SERINC5: variants seen among roughly 807,000 people sequenced by gnomAD.
SERINC5 encodes the protein serine incorporator 5, also known as chromosome 5 open reading frame 12.
SERINC5 carries 41 observed loss-of-function variants against 63.1 expected under a neutral mutation model. The ratio of observed to expected loss-of-function variants is 0.65; its 90% confidence interval spans 0.51 to 0.84. The LOEUF is 0.84. Ranked by LOEUF, SERINC5 falls within the 40% of genes least tolerant of loss-of-function variation. The pLI, the probability that SERINC5 is intolerant of heterozygous loss-of-function variation, is 0.00. For missense variants in SERINC5, 523 were observed against 573.0 expected (o/e 0.91, Z 0.89); for synonymous variants, 222 against 215.2 (o/e 1.03, Z -0.28).
chr5:80,214,256 C>CA (rs1750563307), intron 1 of SERINC5, among the ~76,000 whole-genome samples: 1 of 151,910 alleles, frequency 6.6e-6, no homozygotes. Context: ...CTAACAACAA[C>CA]AAAAAACAAA....
At chr5:80,165,439 T>C (rs1023766257) in intron 7 of SERINC5, among the ~76,000 whole-genome samples, 2 of 152,234 alleles carry the variant, frequency 1.3e-5, no homozygotes, top group Admixed American at 1.3e-4. Context: ...CATTTATATA[T>C]GCTTATGTGT....
At chr5:80,200,462 G>T (rs1749763672) in intron 2 of SERINC5, among the ~76,000 whole-genome samples, 1 of 151,396 alleles carries the variant, frequency 6.6e-6, no homozygotes. Context: ...CTCCAGCCTG[G>T]GCGACAGAGC....
chr5:80,128,061 C>CA (rs1199027011), intron 11 of SERINC5, among the ~76,000 whole-genome samples: 1 of 152,126 alleles, frequency 6.6e-6, no homozygotes, highest in Admixed American at 6.5e-5. Context: ...TCTAATGAAT[C>CA]AGTCTCTTTA....
intron 1 of SERINC5, among the ~76,000 whole-genome samples, chr5:80,244,379 C>G (rs567092436): frequency 1.3e-5 from 2 of 151,688 alleles, no homozygotes; most frequent in Non-Finnish European, 2.9e-5. Flanking sequence ...CCAGGCCTGG[C>G]TAATTTTTGT....
chr5:80,139,330 T>C lies in SERINC5; in HGVS notation c.*4333A>G. On this transcript the variant is annotated 3_prime_UTR_variant, in exon 12 of 12. Transcript: ENST00000507668. ...CCAGACATATATTACAAATCTGCTG[T>C]AAGCTTTCTTTACCTGAGAGAACTT... is the stretch of plus-strand genomic sequence containing the variant. The C allele has an allele frequency of 1.0e-6, 1 of 984,246 alleles. No homozygotes were observed. The highest frequency in any genetic ancestry group is 1.2e-6 in the Non-Finnish European group (1 of 828,884). 61.0% of individuals were successfully genotyped at this position (984,246 alleles called of 1,614,324 possible).
intron 1 of SERINC5, among the ~76,000 whole-genome samples, chr5:80,238,894 ACAG>A (rs957867780): frequency 2.6e-5 from 4 of 152,146 alleles, no homozygotes; most frequent in African/African-American, 9.7e-5. Context: ...CTCTGCACAG[ACAG>A]CAGATTATCT....
intron 2 of SERINC5, among the ~76,000 whole-genome samples, chr5:80,198,376 C>G (rs1469104730): frequency 6.6e-6 from 1 of 152,170 alleles, no homozygotes; most frequent in African/African-American, 2.4e-5. Context: ...AGGACAAAGT[C>G]TGGCCCAGCA....
At chr5:80,146,492 GC>G (rs1369458276) in intron 10 of SERINC5, among the ~76,000 whole-genome samples, 4 of 151,986 alleles carry the variant, frequency 2.6e-5, no homozygotes, top group African/African-American at 9.7e-5. Flanking sequence ...CACTCTTTTT[GC>G]CCCGGCTGGA....
At chr5:80,131,875 T>C (rs1744961817) in intron 11 of SERINC5, among the ~76,000 whole-genome samples, 1 of 152,194 alleles carries the variant, frequency 6.6e-6, no homozygotes, top group Non-Finnish European at 1.5e-5. Context: ...AATCTAGTTC[T>C]GTAACTAGAT....
Position 80,150,903 on chromosome 5 carries a change from T to A in SERINC5, c.1032A>T (p.Arg344=). Residue 344 remains arginine, a synonymous_variant, in exon 9 of 12, where the codon CGA becomes CGT. Transcript: ENST00000507668. ...TTACCTCCAATTCAGGAGCTGCGTA[T>A]CGCCCCTGCAGAGCGTCAGAACTCG... ...TRSSSDALQG[R]YAAPELEIAR... 1 of 1,613,112 alleles carries A rather than the reference T, an allele frequency of 6.2e-7. No homozygotes were observed. Among genetic ancestry groups the A allele is most frequent in the Non-Finnish European group, 8.5e-7 (1 of 1,179,078 alleles).
chr5:80,144,672 T>A (rs1279010788), intron 11 of SERINC5, among the ~76,000 whole-genome samples: 1 of 152,062 alleles, frequency 6.6e-6, no homozygotes, highest in African/African-American at 2.4e-5. Context: ...AAACCACCAC[T>A]CCCACCACCC....
chr5:80,137,009 C>T (rs1012000986), downstream of SERINC5, among the ~76,000 whole-genome samples: 13 of 151,724 alleles, frequency 8.6e-5, no homozygotes, highest in Non-Finnish European at 1.8e-4. Context: ...TTGTGACATG[C>T]GCCTGTAACC....
chr5:80,179,385 T>C (rs1748275029), intron 2 of SERINC5, among the ~76,000 whole-genome samples: 1 of 152,230 alleles, frequency 6.6e-6, no homozygotes, highest in Non-Finnish European at 1.5e-5. Context: ...TTTTCATCAC[T>C]ATCTTATACT....
At chr5:80,122,430 G>C (rs560941910) in intron 11 of SERINC5, among the ~76,000 whole-genome samples, 5 of 152,056 alleles carry the variant, frequency 3.3e-5, no homozygotes, top group African/African-American at 1.2e-4. Context: ...CCCAGATTAA[G>C]AGTGGGTCTG....
chr5:80,118,858 C>T (rs1386751761), intron 11 of SERINC5, among the ~76,000 whole-genome samples: 1 of 151,964 alleles, frequency 6.6e-6, no homozygotes. Context: ...CCACTGCACC[C>T]AGCTTCATTC....
chr5:80,217,213 AAAG>A (rs957241560), intron 1 of SERINC5, among the ~76,000 whole-genome samples: 1 of 152,056 alleles, frequency 6.6e-6, no homozygotes, highest in Non-Finnish European at 1.5e-5. Context: ...TCTCAGCAAA[AAAG>A]AAGGTGGGCA....
At chr5:80,144,881 A>C (rs188829215) in intron 11 of SERINC5, among the ~76,000 whole-genome samples, 1 of 152,292 alleles carries the variant, frequency 6.6e-6, no homozygotes, top group East Asian at 1.9e-4. Flanking sequence ...CTACATGTCT[A>C]AGCTTAACTT....
Position 80,142,745 on chromosome 5 carries a change from A to C in SERINC5, c.*918T>G. 2.0e-6 allele frequency: 2 copies of C among 985,500 alleles called. No homozygotes were observed. The highest frequency in any genetic ancestry group is 2.4e-6 in the Non-Finnish European group (2 of 829,946). The allele number at this position is 985,500 out of a possible 1,614,324, so 61.0% of individuals were successfully genotyped here. A position where few individuals can be genotyped will look rare whatever the true frequency, so the allele number is the denominator to read the frequency against. ...CAACAACTGAAAGAGCAGTGCATGC[A>C]GCAGGCTTCAACACGAAGCAGCTTT... is the stretch of plus-strand genomic sequence containing the variant. On this transcript the variant is annotated 3_prime_UTR_variant, in exon 12 of 12. Coordinates refer to ENST00000507668, the MANE Select transcript of SERINC5 (RefSeq NM_001174072.3).
At chr5:80,171,897 A>G (rs1048276098) in intron 5 of SERINC5, among the ~76,000 whole-genome samples, 6 of 152,164 alleles carry the variant, frequency 3.9e-5, no homozygotes, top group Admixed American at 2.0e-4. Flanking sequence ...AAAAAAGACA[A>G]AAAAAGAAAG....
Sources: gnomAD v4.1 joint callset for allele counts (sites outside exome capture counted in the v4.1 genomes callset) on GRCh38, gnomAD v4.1.1 for gene constraint, MANE v1.5 for transcripts, NCBI Gene and HGNC (gene_info 2026-07-23, HGNC 2026-07-21) for gene names.